Variants in SSBP3 observed in about 807,000 individuals in gnomAD.
The protein encoded by SSBP3 is single-stranded DNA-binding protein 3.
SSBP3 carries 5 observed loss-of-function variants against 69.6 expected under a neutral mutation model. That is an observed-to-expected ratio of 0.07 (90% CI 0.04 to 0.15). The LOEUF (loss-of-function observed/expected upper bound fraction) is 0.15, where lower values mean the gene tolerates loss of function less well. SSBP3 is among the 10% of genes least tolerant of loss of function. SSBP3 has a pLI of 1.00. For synonymous variants in SSBP3, 196 were observed against 193.4 expected (o/e 1.01, Z -0.11); for missense variants, 312 against 534.0 (o/e 0.58, Z 4.10).
chr1:54,286,997 T>G (rs1227989998), intron 4 of SSBP3: 1 of 151,946 alleles, frequency 6.6e-6, no homozygotes, highest in East Asian at 1.9e-4. Flanking sequence ...CATCTCAGAG[T>G]AGGCAACAGT....
At chr1:54,401,966 TAAG>T (rs1285087614) in intron 3 of SSBP3, 21 bp from the exon 4 acceptor site, 1 of 1,604,638 alleles carries the variant, frequency 6.2e-7, no homozygotes, top group Admixed American at 1.7e-5. Context: ...GAAAATAAAA[TAAG>T]GTCAGGTTAC....
At position 54,342,245 on chromosome 1, in the gene SSBP3, A is replaced by G. The variant is rs529478356; in HGVS notation, c.276+59616T>C. ...CCTCAAATGCCCTTTCCATTTTCCA[A>G]AGGGTTTGCTCCACTCCTGCCCCCA... On this transcript the variant is annotated intron_variant, in intron 4 of 17. Transcript: ENST00000610401. 4.6e-5 allele frequency among the ~76,000 whole-genome samples: 7 copies of G among 152,312 alleles called. No individual in the cohort carries two copies. The South Asian group carries it at 1.4e-3, about 32-fold the overall frequency.
At position 54,230,693 on chromosome 1, in the gene SSBP3, C is replaced by T. The variant is rs543136341; in HGVS notation, c.928-1867G>A. ...CATTTCTGTCCTCCTCCAACGCCCC[C>T]GGCCCCAGGCAAACACTAATCTACT... On this transcript the variant is annotated intron_variant, in intron 14 of 17. Coordinates refer to ENST00000610401, the Ensembl canonical transcript of SSBP3. Among the ~76,000 whole-genome samples the T allele has an allele frequency of 1.6e-4, 25 of 152,262 alleles. 1 individual carries two copies. In the South Asian group the frequency reaches 4.8e-3, roughly 29 times the overall value.
intron 4 of SSBP3, among the ~76,000 whole-genome samples, chr1:54,381,334 T>C (rs1159909713): frequency 2.3e-5 from 3 of 130,474 alleles, no homozygotes; most frequent in Non-Finnish European, 4.6e-5. Context: ...AGTGAGCTGA[T>C]ATCGTGACAC....
At chr1:54,361,496 T>C (rs945465552) in intron 4 of SSBP3, among the ~76,000 whole-genome samples, 2 of 152,058 alleles carry the variant, frequency 1.3e-5, no homozygotes, top group African/African-American at 4.8e-5. Flanking sequence ...CCGCTGAGTG[T>C]GGGATAAGCA....
chr1:54,369,280 G>A (rs567828650), intron 4 of SSBP3, among the ~76,000 whole-genome samples: 97 of 129,658 alleles, frequency 7.5e-4, no homozygotes, highest in Non-Finnish European at 1.2e-3. Context: ...ACTTATTCCC[G>A]CAGAGGCTCC....
intron 9 of SSBP3, among the ~76,000 whole-genome samples, chr1:54,247,547 T>C (rs1442956355): frequency 6.6e-6 from 1 of 152,180 alleles, no homozygotes; most frequent in African/African-American, 2.4e-5. Context: ...GGACTGGCCC[T>C]GGATCAGCCC....
rs903963246 is a variant in SSBP3, at chr1:54,275,801, A to G, written c.366+5637T>C. ...AGCTCACAGGGGCATGTCTGAGTAC[A>G]TGGCAGGTTCTCCGTAACAGAACTT... On this transcript the variant is annotated intron_variant, in intron 5 of 17. Transcript: ENST00000610401. Among the ~76,000 whole-genome samples the G allele has an allele frequency of 4.6e-5, 7 of 152,220 alleles. No individual in the cohort carries two copies. In the East Asian group the frequency reaches 1.2e-3, roughly 25 times the overall value.
In SSBP3 at chr1:54,302,550, T is replaced by C. The variant is rs138521047; in HGVS notation, c.277-21023A>G. On this transcript the variant is annotated intron_variant, in intron 4 of 17. Coordinates refer to ENST00000610401, the Ensembl canonical transcript of SSBP3. ...TGGTCTCGTCTTAGCATAATGTTGA[T>C]GTGTTTATTCCTTTAATATTTGTTT... Among the ~76,000 whole-genome samples the C allele has an allele frequency of 3.3e-5, 5 of 152,296 alleles. No individual in the cohort carries two copies. In the East Asian group the frequency reaches 7.7e-4, roughly 23 times the overall value.
intron 4 of SSBP3, among the ~76,000 whole-genome samples, chr1:54,394,003 G>A (rs749329233): frequency 3.9e-5 from 6 of 152,140 alleles, no homozygotes; most frequent in Admixed American, 3.3e-4. Flanking sequence ...CAAGTGATTC[G>A]CCTGCCTCGG....
intron 4 of SSBP3, chr1:54,287,426 G>A (rs1435601448): frequency 6.6e-6 from 1 of 152,406 alleles, no homozygotes; most frequent in Non-Finnish European, 1.5e-5. Context: ...ACACCAGGGG[G>A]TGGGAGGTGT....
At chr1:54,290,088 GCTAAAAC>G (rs1488284985) in intron 4 of SSBP3, among the ~76,000 whole-genome samples, 1 of 152,200 alleles carries the variant, frequency 6.6e-6, no homozygotes, top group Non-Finnish European at 1.5e-5. Flanking sequence ...GCCCAGATCT[GCTAAAAC>G]CACAGCCCCA....
intron 4 of SSBP3, among the ~76,000 whole-genome samples, chr1:54,345,291 A>G (rs919416317): frequency 1.3e-5 from 2 of 152,094 alleles, no homozygotes; most frequent in African/African-American, 2.4e-5. Flanking sequence ...ATCCTTATTG[A>G]CACTACGCAA....
intron 4 of SSBP3, among the ~76,000 whole-genome samples, chr1:54,324,719 G>T (rs1002449307): frequency 1.3e-5 from 2 of 152,218 alleles, no homozygotes; most frequent in Non-Finnish European, 2.9e-5. Context: ...TAATGGGGTG[G>T]TGATATATCC....
chr1:54,255,068 T>A (rs1644894926), intron 7 of SSBP3, among the ~76,000 whole-genome samples: 1 of 143,846 alleles, frequency 7.0e-6, no homozygotes, highest in South Asian at 2.2e-4. Context: ...CCTGATCAAG[T>A]GATCCACCCG....
intron 4 of SSBP3, among the ~76,000 whole-genome samples, chr1:54,388,371 G>T (rs1648238654): frequency 6.6e-6 from 1 of 152,194 alleles, no homozygotes; most frequent in African/African-American, 2.4e-5. Context: ...TCGGAGAAAT[G>T]AGGTCATAAC....
chr1:54,314,219 T>C (rs1408350330), intron 4 of SSBP3, among the ~76,000 whole-genome samples: 1 of 152,204 alleles, frequency 6.6e-6, no homozygotes, highest in Non-Finnish European at 1.5e-5. Context: ...GAGACAGGAT[T>C]ACCTGATTGT....
intron 5 of SSBP3, among the ~76,000 whole-genome samples, chr1:54,264,136 A>G (rs535347842): frequency 1.7e-4 from 26 of 152,116 alleles, no homozygotes; most frequent in Non-Finnish European, 3.2e-4. Context: ...CTCCGTCTCT[A>G]CAAAAAAATA....
intron 4 of SSBP3, among the ~76,000 whole-genome samples, chr1:54,350,547 G>A (rs1209028174): frequency 1.3e-5 from 2 of 152,192 alleles, no homozygotes; most frequent in Non-Finnish European, 2.9e-5. Context: ...GCCTTCAGAT[G>A]GTTTTCTAAG....
Sources: allele counts gnomAD v4.1 joint callset (sites outside exome capture counted in the v4.1 genomes callset), GRCh38; gene constraint gnomAD v4.1.1; transcripts MANE v1.5; gene names NCBI Gene and HGNC (gene_info 2026-07-23, HGNC 2026-07-21).